SSBP3: variants seen among roughly 807,000 people sequenced by gnomAD.
The protein encoded by SSBP3 is single stranded DNA binding protein 3, also known as single-stranded DNA-binding protein 3.
SSBP3 carries 5 observed loss-of-function variants against 69.6 expected under a neutral mutation model. The observed-to-expected ratio is 0.07, with a 90% CI of 0.04 to 0.15. SSBP3 has a LOEUF of 0.15. SSBP3 is among the 10% of genes least tolerant of loss of function. The pLI is 1.00. For missense variants in SSBP3, 312 were observed against 534.0 expected (o/e 0.58, Z 4.10); for synonymous variants, 196 against 193.4 (o/e 1.01, Z -0.11).
chr1:54,293,680 G>A (rs895886959), intron 4 of SSBP3, among the ~76,000 whole-genome samples: 7 of 152,142 alleles, frequency 4.6e-5, no homozygotes, highest in African/African-American at 7.2e-5. Context: ...ATACCCTTTC[G>A]TCATTTATGT....
At chr1:54,402,107 C>G (rs147805488) in intron 3 of SSBP3, among the ~76,000 whole-genome samples, 162 bp from the exon 4 acceptor site, 1 of 152,330 alleles carries the variant, frequency 6.6e-6, no homozygotes, top group African/African-American at 2.4e-5. Flanking sequence ...AAAACACGTC[C>G]AACTTCTTCT....
intron 4 of SSBP3, among the ~76,000 whole-genome samples, chr1:54,361,839 A>G (rs1646956861): frequency 6.6e-6 from 1 of 152,152 alleles, no homozygotes; most frequent in South Asian, 2.1e-4. Context: ...ATTCTCATTT[A>G]ATGGCAAAAG....
chr1:54,399,212 C>T (rs1649116902), intron 4 of SSBP3, among the ~76,000 whole-genome samples: 1 of 152,206 alleles, frequency 6.6e-6, no homozygotes, highest in Non-Finnish European at 1.5e-5. Context: ...TAGGCTGTCG[C>T]CCGAAAGACA....
At chr1:54,228,912 G>A (rs1644334547) in intron 14 of SSBP3, 86 bp from the exon 15 acceptor site, 4 of 1,402,216 alleles carry the variant, frequency 2.9e-6, no homozygotes, top group East Asian at 2.4e-5. Flanking sequence ...CCACGCTTGA[G>A]TCCTGGCCCT....
At chr1:54,233,189 G>A (rs1406838485) in intron 14 of SSBP3, among the ~76,000 whole-genome samples, 7 of 151,560 alleles carry the variant, frequency 4.6e-5, no homozygotes, top group African/African-American at 7.3e-5. Flanking sequence ...GTCTCTGCCC[G>A]GCCACCCATC....
chr1:54,403,920 G>C (rs369813634), intron 3 of SSBP3, among the ~76,000 whole-genome samples: 6 of 151,690 alleles, frequency 4.0e-5, no homozygotes, highest in African/African-American at 1.5e-4. Flanking sequence ...GGCCTGGTTA[G>C]AGAGTCACAG....
chr1:54,246,526 A>G (rs1345055654), intron 9 of SSBP3, among the ~76,000 whole-genome samples: 1 of 152,210 alleles, frequency 6.6e-6, no homozygotes, highest in Non-Finnish European at 1.5e-5. Context: ...GATGATAAGC[A>G]GGTGCTCACT....
intron 7 of SSBP3, 56 bp from the exon 8 acceptor site, chr1:54,251,916 G>T (rs1644837316): frequency 7.4e-6 from 11 of 1,496,274 alleles, no homozygotes; most frequent in Non-Finnish European, 9.2e-6. Context: ...CTGGCCATGG[G>T]GACAGGCATC....
intron 4 of SSBP3, among the ~76,000 whole-genome samples, chr1:54,295,948 A>C (rs187155081): frequency 1.3e-5 from 2 of 152,338 alleles, no homozygotes; most frequent in East Asian, 3.9e-4. Context: ...ACCTGGTCTT[A>C]TTATATAGAC....
At chr1:54,405,962 G>A in exon 1 of SSBP3, 3 of 1,447,962 alleles carry the variant, frequency 2.1e-6, no homozygotes, top group Non-Finnish European at 1.8e-6. Context: ...CTTTTCCCGA[G>A]CCTGCCCATC....
chr1:54,280,737 G>GGGA (rs1380594055), intron 5 of SSBP3, among the ~76,000 whole-genome samples: 6 of 152,192 alleles, frequency 3.9e-5, no homozygotes, highest in Non-Finnish European at 7.3e-5. Flanking sequence ...GGCGCAGAGA[G>GGGA]GGTGGCAGCC....
chr1:54,406,227 C>CA lies in SSBP3; in HGVS notation c.-220dup. The CA allele has an allele frequency of 4.8e-6, 2 of 414,324 alleles. No homozygotes were observed. Among genetic ancestry groups the CA allele is most frequent in the Non-Finnish European group, 8.4e-6 (2 of 239,090 alleles). The allele number at this position is 414,324 out of a possible 1,614,324, so 25.7% of individuals were successfully genotyped here. On this transcript the variant is annotated 5_prime_UTR_variant, in exon 1 of 18. The change abolishes an upstream ATG in the 5' untranslated region. Coordinates refer to ENST00000610401, the Ensembl canonical transcript of SSBP3. ...AAAGCGTCAGCCCCGGCCGCGGCCC[C>CA]ATCGCCCTGGAACTCCTTCCGCGCC...
At chr1:54,375,803 G>A (rs988890506) in intron 4 of SSBP3, among the ~76,000 whole-genome samples, 4 of 152,212 alleles carry the variant, frequency 2.6e-5, no homozygotes, top group Non-Finnish European at 5.9e-5. Context: ...AGGCGGCTGC[G>A]GTGGCCCTGC....
chr1:54,343,017 G>A (rs952709213), intron 4 of SSBP3, among the ~76,000 whole-genome samples: 3 of 152,116 alleles, frequency 2.0e-5, no homozygotes, highest in African/African-American at 4.8e-5. Context: ...TTGAGAACCC[G>A]GCCGGTTTTC....
At chr1:54,304,970 G>A (rs571018215) in intron 4 of SSBP3, among the ~76,000 whole-genome samples, 71 of 152,206 alleles carry the variant, frequency 4.7e-4, no homozygotes, top group Non-Finnish European at 8.2e-4. Flanking sequence ...CGTGGGACCC[G>A]GAGCGGCTCT....
At chr1:54,302,091 C>A (rs1645812716) in intron 4 of SSBP3, among the ~76,000 whole-genome samples, 1 of 152,236 alleles carries the variant, frequency 6.6e-6, no homozygotes, top group African/African-American at 2.4e-5. Context: ...CTGGTGCCTG[C>A]CACTCCCACT....
At chr1:54,281,491 T>A (rs1454869282) in exon 5 of SSBP3, 1 of 1,571,118 alleles carries the variant, frequency 6.4e-7, no homozygotes, top group Non-Finnish European at 8.6e-7. Flanking sequence ...TTGGGGGGAA[T>A]GTTGCCAAGC....
chr1:54,377,094 C>T (rs767454390), intron 4 of SSBP3, among the ~76,000 whole-genome samples: 6 of 152,336 alleles, frequency 3.9e-5, no homozygotes, highest in Non-Finnish European at 7.3e-5. Flanking sequence ...CATTCCACTC[C>T]GGAAATGCCA....
chr1:54,230,073 C>T (rs1254914416), intron 14 of SSBP3, among the ~76,000 whole-genome samples: 2 of 152,190 alleles, frequency 1.3e-5, no homozygotes, highest in African/African-American at 2.4e-5. Context: ...CAGAAGGCTA[C>T]CAAGTGGGTG....
Sources: gnomAD v4.1 joint callset for allele counts (sites outside exome capture counted in the v4.1 genomes callset) on GRCh38, gnomAD v4.1.1 for gene constraint, MANE v1.5 for transcripts, NCBI Gene and HGNC (gene_info 2026-07-23, HGNC 2026-07-21) for gene names.